Variants in DAB1 observed in about 807,000 individuals in gnomAD.
DAB1 encodes the protein DAB adaptor protein 1.
DAB1 carries 15 observed loss-of-function variants against 64.6 expected under a neutral mutation model. That is an observed-to-expected ratio of 0.23 (90% CI 0.16 to 0.36). DAB1 has a LOEUF of 0.36. Ranked by LOEUF, DAB1 falls within the 10% of genes least tolerant of loss-of-function variation. DAB1 has a pLI of 1.00. For synonymous variants in DAB1, 235 were observed against 251.9 expected, an observed-to-expected ratio of 0.93 and a Z score of 0.64; for missense variants, 596 against 706.7, an observed-to-expected ratio of 0.84 and a Z score of 1.78.
At chr1:57,800,465 T>C (rs1274804349) in intron 6 of DAB1, among the ~76,000 whole-genome samples, 1 of 152,200 alleles carries the variant, frequency 6.6e-6, no homozygotes, top group East Asian at 1.9e-4. Context: ...TCAATGTTAA[T>C]ATTCTGCCAT....
At chr1:58,353,394 C>T (rs1426033567) in intron 3 of DAB1, among the ~76,000 whole-genome samples, 1 of 152,088 alleles carries the variant, frequency 6.6e-6, no homozygotes, top group Non-Finnish European at 1.5e-5. Context: ...TCCCTTAGGC[C>T]TTCTGATATA....
At chr1:57,749,653 A>G (rs1648460622) in intron 6 of DAB1, among the ~76,000 whole-genome samples, 1 of 152,116 alleles carries the variant, frequency 6.6e-6, no homozygotes, top group South Asian at 2.1e-4. Flanking sequence ...CCATGTGGCA[A>G]TTTGAGTGAT....
At chr1:58,172,079 A>G (rs1189775220) in intron 4 of DAB1, among the ~76,000 whole-genome samples, 3 of 152,058 alleles carry the variant, frequency 2.0e-5, no homozygotes, top group South Asian at 2.1e-4. Context: ...GCCCCTTTAT[A>G]CTCTAATCAA....
intron 14 of DAB1, among the ~76,000 whole-genome samples, chr1:56,999,252 C>G (rs999430891): frequency 6.6e-6 from 1 of 152,286 alleles, no homozygotes; most frequent in Admixed American, 6.5e-5. Flanking sequence ...AAGGCAGATG[C>G]TTTATCTCTT....
chr1:57,891,123 A>T (rs1644306815), intron 5 of DAB1, among the ~76,000 whole-genome samples: 1 of 152,220 alleles, frequency 6.6e-6, no homozygotes, highest in Non-Finnish European at 1.5e-5. Context: ...CATCTGACAA[A>T]GGGCTAATAT....
intron 6 of DAB1, among the ~76,000 whole-genome samples, chr1:57,652,197 C>T (rs934847328): frequency 2.6e-5 from 4 of 152,174 alleles, no homozygotes; most frequent in African/African-American, 9.7e-5. Flanking sequence ...TAAGATTGGC[C>T]TTTTGAAATA....
intron 7 of DAB1, among the ~76,000 whole-genome samples, chr1:57,476,036 C>A (rs543514292): frequency 6.6e-6 from 1 of 151,950 alleles, no homozygotes; most frequent in South Asian, 2.1e-4. Context: ...ACCAGCCTGG[C>A]CAATATTGTG....
At chr1:57,602,090 G>T (rs1001887436) in intron 7 of DAB1, among the ~76,000 whole-genome samples, 2 of 152,062 alleles carry the variant, frequency 1.3e-5, no homozygotes, top group African/African-American at 4.8e-5. Flanking sequence ...AAAATTCATT[G>T]CATAAAAAAA....
chr1:57,106,858 T>C, intron 4 of DAB1, among the ~76,000 whole-genome samples: 1 of 151,916 alleles, frequency 6.6e-6, no homozygotes, highest in Middle Eastern at 3.2e-3. Context: ...TCCAGCTAAA[T>C]AAACACATTA....
intron 4 of DAB1, among the ~76,000 whole-genome samples, chr1:57,121,205 A>AAGAAGG (rs1194482252): frequency 2.7e-5 from 4 of 147,116 alleles, no homozygotes; most frequent in Non-Finnish European, 4.5e-5. Context: ...GGAGAAGGAG[A>AAGAAGG]AGAAGGAGAA....
intron 2 of DAB1, among the ~76,000 whole-genome samples, chr1:57,244,929 G>C (rs986510808): frequency 6.6e-6 from 1 of 152,188 alleles, no homozygotes; most frequent in Non-Finnish European, 1.5e-5. Context: ...CATGTGTCAG[G>C]GGACGGTACT....
At chr1:57,748,544 G>A (rs540204395) in intron 6 of DAB1, among the ~76,000 whole-genome samples, 39 of 152,234 alleles carry the variant, frequency 2.6e-4, no homozygotes, top group Non-Finnish European at 2.9e-4. Context: ...TATCACTAGT[G>A]TTGTCACAAA....
chr1:58,034,890 G>A (rs1647021748), intron 5 of DAB1, among the ~76,000 whole-genome samples: 1 of 152,314 alleles, frequency 6.6e-6, no homozygotes, highest in East Asian at 1.9e-4. Flanking sequence ...AGCCATCAAC[G>A]ATTCCTTCCA....
chr1:57,775,763 T>A (rs1389821288), intron 6 of DAB1, among the ~76,000 whole-genome samples: 2 of 151,750 alleles, frequency 1.3e-5, no homozygotes, highest in South Asian at 2.1e-4. Flanking sequence ...CTGATTTTTT[T>A]ATCTATTTAT....
chr1:57,377,382 C>T (rs567107001), intron 1 of DAB1, among the ~76,000 whole-genome samples: 1 of 152,096 alleles, frequency 6.6e-6, no homozygotes, highest in South Asian at 2.1e-4. Flanking sequence ...TCATCTAGGA[C>T]CCTGTTAAAA....
At chr1:57,498,249 G>T (rs1334080889) in intron 7 of DAB1, among the ~76,000 whole-genome samples, 1 of 152,190 alleles carries the variant, frequency 6.6e-6, no homozygotes. Flanking sequence ...AGAAATGTGG[G>T]TCTAGAGCTC....
At chr1:58,312,341 G>A (rs756297609) in intron 4 of DAB1, among the ~76,000 whole-genome samples, 2 of 152,152 alleles carry the variant, frequency 1.3e-5, no homozygotes, top group Admixed American at 6.6e-5. Context: ...AGAACAATTC[G>A]TCATGTAAAT....
At chr1:58,505,596 C>T (rs1379822379) in intron 3 of DAB1, among the ~76,000 whole-genome samples, 1 of 152,034 alleles carries the variant, frequency 6.6e-6, no homozygotes, top group African/African-American at 2.4e-5. Context: ...TAACCAGAAA[C>T]AAACATGAAG....
intron 5 of DAB1, among the ~76,000 whole-genome samples, chr1:57,900,544 G>A (rs879495357): frequency 3.9e-5 from 6 of 152,188 alleles, no homozygotes; most frequent in African/African-American, 9.7e-5. Context: ...CTGAGCAAGC[G>A]AGACTATAGG....
Sources: gnomAD v4.1 joint callset for allele counts (sites outside exome capture counted in the v4.1 genomes callset) on GRCh38, gnomAD v4.1.1 for gene constraint, MANE v1.5 for transcripts, NCBI Gene and HGNC (gene_info 2026-07-23, HGNC 2026-07-21) for gene names.